Variants in TUT1 observed in about 807,000 individuals in gnomAD.
The protein encoded by TUT1 is speckle targeted PIP5K1A-regulated poly(A) polymerase.
Under a neutral mutation model 48.8 loss-of-function variants are expected in TUT1, and 26 were observed. That is an observed-to-expected ratio of 0.53 (90% CI 0.39 to 0.74). The LOEUF (loss-of-function observed/expected upper bound fraction) is 0.74. Ranked by LOEUF, TUT1 falls within the 30% of genes least tolerant of loss-of-function variation. The pLI, the probability that TUT1 is intolerant of heterozygous loss-of-function variation, is 0.00. For synonymous variants in TUT1, 470 were observed against 460.8 expected, an observed-to-expected ratio of 1.02 and a Z score of -0.26; for missense variants, 1,065 against 1,114.8, an observed-to-expected ratio of 0.96 and a Z score of 0.64.
At chr11:62,578,056 C>T (rs1334451890) in intron 5 of TUT1, among the ~76,000 whole-genome samples, 2 of 94,770 alleles carry the variant, frequency 2.1e-5, no homozygotes, top group Non-Finnish European at 2.0e-5. Flanking sequence ...AGTAAATCTC[C>T]GTCTCACAAA....
rs1941775328 is a variant in TUT1 at position 62,578,808 on chromosome 11, G to A, written c.913C>T (p.Leu305=). 1.9e-6 allele frequency: 3 copies of A among 1,614,046 alleles called. No homozygotes were observed. The highest frequency in any genetic ancestry group is 1.3e-5 in the African/African-American group (1 of 74,912). ...ASETLASPQS[L]PPASPLLEDR... Reference sequence around the variant, plus strand: ...TCTAGCAGTGGTGAAGCTGGAGGCAGAGACTGGGGAGAAGCAAGGGTCTCG... The same window carrying A: ...TCTAGCAGTGGTGAAGCTGGAGGCAAAGACTGGGGAGAAGCAAGGGTCTCG... The change falls in exon 5 of 9, where the codon CTG becomes TTG. Residue 305 remains leucine, a synonymous_variant. Transcript: ENST00000476907.
In TUT1 at chr11:62,576,891, A is replaced by C. The variant is rs747667619; in HGVS notation, c.1381+16T>G. ...GAAACTAACAAGATGGAGAGGGTGG[A>C]GGCTAGGCCGAGTACCTGCTTTCTG... On this transcript the variant is annotated intron_variant, in intron 7 of 8. Coordinates refer to ENST00000476907, the MANE Select transcript of TUT1 (RefSeq NM_022830.3). 4 of 1,611,562 alleles carry C rather than the reference A, an allele frequency of 2.5e-6. No homozygotes were observed. The East Asian group carries it at 8.9e-5, about 36-fold the overall frequency.
chr11:62,583,189 A>G (rs925848432), intron 2 of TUT1, among the ~76,000 whole-genome samples: 4 of 152,136 alleles, frequency 2.6e-5, no homozygotes, highest in African/African-American at 9.7e-5. Flanking sequence ...CATAAATACA[A>G]ACTCATAAAC....
intron 2 of TUT1, 56 bp downstream of exon 2, chr11:62,588,975 T>G: frequency 1.2e-5 from 19 of 1,525,736 alleles, no homozygotes; most frequent in African/African-American, 1.4e-5. Context: ...ATTACAGGCG[T>G]GAGCCATCGC....
In TUT1 at chr11:62,581,046, A is replaced by G; in HGVS notation, c.690+60T>C. The G allele has an allele frequency of 3.0e-6, 4 of 1,353,744 alleles. No homozygotes were observed. The South Asian group carries it at 3.6e-5, about 12-fold the overall frequency. The allele number at this position is 1,353,744 out of a possible 1,614,324, so 83.9% of individuals were successfully genotyped here. A position where few individuals can be genotyped will look rare whatever the true frequency, so the allele number is the denominator to read the frequency against. On this transcript the variant is annotated intron_variant, in intron 4 of 8. Transcript: ENST00000476907. ...ACATGGAGAGCTAAAGGACTTGCCCACAGTCACATGGCCATTCTCATGGAC... is the reference window on the plus strand; with the variant it reads ...ACATGGAGAGCTAAAGGACTTGCCCGCAGTCACATGGCCATTCTCATGGAC...
At chr11:62,580,601 CTTTTTTTTTTT>C (rs1220183156) in intron 4 of TUT1, among the ~76,000 whole-genome samples, 13 of 111,954 alleles carry the variant, frequency 1.2e-4, no homozygotes, top group African/African-American at 3.7e-4. Context: ...CATGTCAATT[CTTTTTTTTTTT>C]TTTTTTTTTT....
At chr11:62,590,154 G>C (rs1554963093) in intron 1 of TUT1, among the ~76,000 whole-genome samples, 1 of 152,250 alleles carries the variant, frequency 6.6e-6, no homozygotes, top group Non-Finnish European at 1.5e-5. Context: ...CAGTGAAAAG[G>C]AAGAATGGAA....
chr11:62,587,941 C>A (rs1459914231), intron 2 of TUT1, among the ~76,000 whole-genome samples: 1 of 152,212 alleles, frequency 6.6e-6, no homozygotes, highest in Non-Finnish European at 1.5e-5. Flanking sequence ...AACCAAACAA[C>A]CTTAGTACCC....
In TUT1 at chr11:62,579,324, G is replaced by A. The variant is rs764689832; in HGVS notation, c.691-294C>T. 3.3e-5 allele frequency among the ~76,000 whole-genome samples: 5 copies of A among 152,334 alleles called. No individual in the cohort carries two copies. In the South Asian group the frequency reaches 6.2e-4, roughly 19 times the overall value. Reference sequence around the variant, plus strand: ...TGACAGGACAGCTGACCAAATTAGAGTATGGACTGTAAAGTCTGTAAAGGT... The same window carrying A: ...TGACAGGACAGCTGACCAAATTAGAATATGGACTGTAAAGTCTGTAAAGGT... On this transcript the variant is annotated intron_variant, in intron 4 of 8. Coordinates refer to ENST00000476907, the MANE Select transcript of TUT1 (RefSeq NM_022830.3).
Position 62,576,175 on chromosome 11 carries a change from C to G in TUT1, c.1544G>C (p.Arg515Pro), listed in dbSNP as rs1941724367. The G allele has an allele frequency of 1.9e-6, 3 of 1,612,964 alleles. No homozygotes were observed. Among genetic ancestry groups the G allele is most frequent in the Non-Finnish European group, 2.5e-6 (3 of 1,179,496 alleles). ...TGCCACAGGCAGTGCCTGACCCTCC[C>G]GCAGGGACAGCAGGGAGCCACGAAG... Reference protein sequence around the residue: ...WDLRGSLLSLREGQALPVAGG... With the variant: ...WDLRGSLLSLPEGQALPVAGG... Residue 515 changes from arginine (R) to proline (P), a missense_variant, in exon 9 of 9, where the codon CGG (arginine) becomes CCG (proline). Physicochemically the swap from Arg to Pro is moderately radical, Grantham distance 103. Coordinates refer to ENST00000476907, the MANE Select transcript of TUT1 (RefSeq NM_022830.3).
chr11:62,582,551 G>C, intron 2 of TUT1: 1 of 451,964 alleles, frequency 2.2e-6, no homozygotes, highest in Non-Finnish European at 4.5e-6. Context: ...AGCTGTGATT[G>C]TGATTGCACC....
intron 2 of TUT1, among the ~76,000 whole-genome samples, chr11:62,587,031 C>G (rs1439238789): frequency 6.9e-6 from 1 of 145,806 alleles, no homozygotes; most frequent in Non-Finnish European, 1.5e-5. Flanking sequence ...CTAAAGGCCT[C>G]CTCAGTAAAC....
chr11:62,582,500 A>G (rs1941845410), intron 2 of TUT1: 2 of 418,084 alleles, frequency 4.8e-6, no homozygotes, highest in African/African-American at 4.1e-5. Flanking sequence ...GGAGGCTATG[A>G]TAAGAGCATC....
At chr11:62,584,276 C>CA (rs1256407790) in intron 2 of TUT1, among the ~76,000 whole-genome samples, 2 of 151,782 alleles carry the variant, frequency 1.3e-5, no homozygotes, top group African/African-American at 4.8e-5. Context: ...CAAAGACACG[C>CA]ACCACTACAC....
At chr11:62,578,451 A>G (rs1163435117) in intron 5 of TUT1, 110 bp downstream of exon 5, 1 of 1,027,650 alleles carries the variant, frequency 9.7e-7, no homozygotes, top group African/African-American at 1.6e-5. Flanking sequence ...AGGCTGAGGC[A>G]GGAGAATCAC....
chr11:62,577,486 C>T (rs1164637880), intron 5 of TUT1, among the ~76,000 whole-genome samples, 195 bp from the exon 6 acceptor site: 3 of 151,826 alleles, frequency 2.0e-5, no homozygotes, highest in Non-Finnish European at 4.4e-5. Context: ...ATCCTGTACG[C>T]CCATCCTGGA....
rs193276230 is a variant in TUT1 at position 62,589,072 on chromosome 11, C to T, written c.232G>A (p.Ala78Thr). Residue 78 changes from alanine to threonine, a missense_variant, in exon 2 of 9, where the codon GCA becomes ACA. Ala to Thr is a moderately conservative substitution (Grantham distance 58, BLOSUM62 0). Coordinates refer to ENST00000476907, the MANE Select transcript of TUT1 (RefSeq NM_022830.3). ...DSAQLSEYFL[A>T]FGPVASVVMD... ...ACAACACTGGCCACAGGTCCAAATG[C>T]TAGGAAGTACTCAGAGAGCTGAGCA... 6.2e-7 allele frequency: 1 copy of T among 1,613,964 alleles called. No homozygotes were observed. The highest frequency in any genetic ancestry group is 1.3e-5 in the African/African-American group (1 of 75,052).
In TUT1 at chr11:62,586,924, C is replaced by CGA. The variant is rs200668392; in HGVS notation, c.273+2105_273+2106dup. Among the ~76,000 whole-genome samples the CGA allele has an allele frequency of 3.3e-3, 487 of 149,690 alleles. 1 individual carries two copies. Among genetic ancestry groups the CGA allele is most frequent in the African/African-American group, 0.011 (446 of 40,962 alleles). ...TTCGCCATGTTGGCCAGGCTGGTCT[C>CGA]GAACTCCTGACCTTAGGTGATCCTC... On this transcript the variant is annotated intron_variant, in intron 2 of 8. Coordinates refer to ENST00000476907, the MANE Select transcript of TUT1 (RefSeq NM_022830.3).
At chr11:62,589,442 C>T (rs1467441859) in intron 1 of TUT1, among the ~76,000 whole-genome samples, 2 of 151,872 alleles carry the variant, frequency 1.3e-5, no homozygotes, top group Non-Finnish European at 2.9e-5. Context: ...GTCTCACTGT[C>T]GCCCCCGCTG....
Sources: allele counts gnomAD v4.1 joint callset (sites outside exome capture counted in the v4.1 genomes callset), GRCh38; gene constraint gnomAD v4.1.1; transcripts MANE v1.5; gene names NCBI Gene and HGNC (gene_info 2026-07-23, HGNC 2026-07-21).